NCOA2: variants seen among roughly 807,000 people sequenced by gnomAD.
NCOA2 encodes nuclear receptor coactivator 2, also known as class E basic helix-loop-helix protein 75.
NCOA2 carries 21 observed loss-of-function variants against 145.1 expected under a neutral mutation model. The observed-to-expected ratio is 0.14, with a 90% CI of 0.10 to 0.21. The LOEUF is 0.21. Ranked by LOEUF, NCOA2 falls within the 10% of genes least tolerant of loss-of-function variation. NCOA2 has a pLI of 1.00. For missense variants in NCOA2, 1,472 were observed against 1,837.6 expected (o/e 0.80, Z 3.64); for synonymous variants, 619 against 637.5 (o/e 0.97, Z 0.44).
At chr8:70,197,367 T>C (rs1029974502) in intron 4 of NCOA2, among the ~76,000 whole-genome samples, 3 of 152,232 alleles carry the variant, frequency 2.0e-5, no homozygotes, top group African/African-American at 7.2e-5. Flanking sequence ...TATTACCTAC[T>C]AAATGCAGGC....
chr8:70,325,400 T>C (rs1480868008), intron 1 of NCOA2, among the ~76,000 whole-genome samples: 1 of 152,162 alleles, frequency 6.6e-6, no homozygotes, highest in Non-Finnish European at 1.5e-5. Context: ...ATTCACTCAT[T>C]CTACTAATTT....
At chr8:70,413,644 G>C in the NCOA2 span, among the ~76,000 whole-genome samples, 2 of 152,216 alleles carry the variant, frequency 1.3e-5, no homozygotes, top group South Asian at 2.1e-4. Context: ...TATAAACATG[G>C]ACCACTTGAC....
intron 2 of NCOA2, among the ~76,000 whole-genome samples, chr8:70,263,783 A>C (rs1586297240): frequency 6.6e-6 from 1 of 152,124 alleles, no homozygotes; most frequent in Non-Finnish European, 1.5e-5. Context: ...AAAATATATT[A>C]ACAGGCAATT....
At chr8:70,349,291 T>G (rs796896168) in intron 1 of NCOA2, among the ~76,000 whole-genome samples, 7 of 152,148 alleles carry the variant, frequency 4.6e-5, no homozygotes, top group African/African-American at 1.7e-4. Flanking sequence ...AAAAAAAAAT[T>G]ATGAACAACT....
chr8:70,243,083 T>C (rs1486785306), intron 2 of NCOA2, among the ~76,000 whole-genome samples: 3 of 152,106 alleles, frequency 2.0e-5, no homozygotes, highest in Non-Finnish European at 4.4e-5. Context: ...ATACTGTTTG[T>C]TTAGATAACT....
chr8:70,396,985 C>T (rs750551509), intron 1 of NCOA2, among the ~76,000 whole-genome samples: 8 of 152,210 alleles, frequency 5.3e-5, no homozygotes, highest in Non-Finnish European at 8.8e-5. Context: ...CTTAAACTCA[C>T]TTTAAGCTTC....
intron 1 of NCOA2, among the ~76,000 whole-genome samples, chr8:70,327,320 T>C (rs963158723): frequency 6.6e-6 from 1 of 152,224 alleles, no homozygotes; most frequent in East Asian, 1.9e-4. Context: ...AAGAATGCAG[T>C]ATGTATTCTC....
At chr8:70,182,803 T>C (rs1247774393) in intron 4 of NCOA2, among the ~76,000 whole-genome samples, 1 of 152,128 alleles carries the variant, frequency 6.6e-6, no homozygotes, top group Non-Finnish European at 1.5e-5. Context: ...ACAGTTCATG[T>C]CCTATAGGAG....
intron 5 of NCOA2, among the ~76,000 whole-genome samples, chr8:70,172,527 T>A (rs1341281945): frequency 6.6e-6 from 1 of 152,230 alleles, no homozygotes; most frequent in African/African-American, 2.4e-5. Context: ...TCTTAAAACA[T>A]TCTATCAGGT....
At chr8:70,407,090 C>G (rs1444495060), upstream of NCOA2, among the ~76,000 whole-genome samples, 1 of 152,170 alleles carries the variant, frequency 6.6e-6, no homozygotes, top group Non-Finnish European at 1.5e-5. Context: ...ATATGTAGCA[C>G]AGTTATCTCT....
Position 70,113,412 on chromosome 8 carries a change from G to T in NCOA2, c.*220C>A, listed in dbSNP as rs565504552. 2 of 594,686 alleles carry T rather than the reference G, an allele frequency of 3.4e-6. No homozygotes were observed. Among genetic ancestry groups the T allele is most frequent in the South Asian group, 2.1e-5 (1 of 48,770 alleles). The allele number at this position is 594,686 out of a possible 1,614,324, so 36.8% of individuals were successfully genotyped here. ...GGTGAATGCAGTGAACAGACTGAGCGACTGTCTGGATGCGAGCTTCAGACT... is the reference window on the plus strand; with the variant it reads ...GGTGAATGCAGTGAACAGACTGAGCTACTGTCTGGATGCGAGCTTCAGACT... On this transcript the variant is annotated 3_prime_UTR_variant, in exon 23 of 23. Coordinates refer to ENST00000452400, the MANE Select transcript of NCOA2 (RefSeq NM_006540.4).
At chr8:70,215,107 T>C (rs997449827) in intron 3 of NCOA2, among the ~76,000 whole-genome samples, 1 of 152,082 alleles carries the variant, frequency 6.6e-6, no homozygotes, top group Admixed American at 6.5e-5. Context: ...GCACAGTAAT[T>C]CAGAATTTGG....
chr8:70,259,342 ACTGT>A (rs1326512843), intron 2 of NCOA2, among the ~76,000 whole-genome samples: 1 of 152,356 alleles, frequency 6.6e-6, no homozygotes, highest in Non-Finnish European at 1.5e-5. Flanking sequence ...CATGGTTATT[ACTGT>A]CTATGTACTT....
intron 1 of NCOA2, among the ~76,000 whole-genome samples, chr8:70,379,714 A>C (rs1026303128): frequency 2.0e-5 from 3 of 151,272 alleles, no homozygotes; most frequent in African/African-American, 7.4e-5. Flanking sequence ...GTAGCTATAG[A>C]AGAAGCAGGA....
intron 16 of NCOA2, among the ~76,000 whole-genome samples, chr8:70,129,971 CAA>C: frequency 6.6e-6 from 1 of 152,306 alleles, no homozygotes; most frequent in East Asian, 1.9e-4. Flanking sequence ...CGCCCAGCCT[CAA>C]GTTTTCTTTA....
chr8:70,368,100 A>T (rs1200417608), intron 1 of NCOA2, among the ~76,000 whole-genome samples: 1 of 152,246 alleles, frequency 6.6e-6, no homozygotes, highest in African/African-American at 2.4e-5. Flanking sequence ...GACAATGCAA[A>T]GTATAACAGC....
chr8:70,440,029 T>C, the NCOA2 span, among the ~76,000 whole-genome samples: 1 of 152,244 alleles, frequency 6.6e-6, no homozygotes, highest in South Asian at 2.1e-4. Flanking sequence ...AGCTCCTTGT[T>C]GTCTCCAAAC....
chr8:70,289,804 G>C (rs929526807), intron 2 of NCOA2, among the ~76,000 whole-genome samples: 4 of 152,094 alleles, frequency 2.6e-5, no homozygotes, highest in African/African-American at 9.6e-5. Flanking sequence ...CTCCCTACTT[G>C]GCCATTATTA....
chr8:70,374,425 T>C (rs1811485210), intron 1 of NCOA2, among the ~76,000 whole-genome samples: 1 of 148,798 alleles, frequency 6.7e-6, no homozygotes, highest in Non-Finnish European at 1.5e-5. Flanking sequence ...TGAGCTAAGA[T>C]CACGCCACAG....
Sources: gnomAD v4.1 joint callset for allele counts (sites outside exome capture counted in the v4.1 genomes callset) on GRCh38, gnomAD v4.1.1 for gene constraint, MANE v1.5 for transcripts, NCBI Gene and HGNC (gene_info 2026-07-23, HGNC 2026-07-21) for gene names.